METTL24: variants seen among roughly 807,000 people sequenced by gnomAD.
METTL24 encodes probable methyltransferase-like protein 24.
A neutral mutation model predicts 32.7 loss-of-function variants in METTL24; 29 were observed. The ratio of observed to expected loss-of-function variants is 0.89; its 90% CI spans 0.66 to 1.21. The LOEUF (loss-of-function observed/expected upper bound fraction) is 1.21. Among genes scored for constraint, METTL24 ranks in the 50% most tolerant of loss-of-function variants. The pLI, the probability that METTL24 is intolerant of heterozygous loss-of-function variation, is 0.00. For synonymous variants in METTL24, 163 were observed against 179.5 expected (o/e 0.91, Z 0.73); for missense variants, 439 against 468.1 (o/e 0.94, Z 0.57).
intron 4 of METTL24, among the ~76,000 whole-genome samples, chr6:110,285,242 T>C (rs1771201254): frequency 6.6e-6 from 1 of 152,232 alleles, no homozygotes; most frequent in South Asian, 2.1e-4. Context: ...GAAGTTCTTG[T>C]AAGAAATGTT....
At chr6:110,281,740 C>T (rs1480000016) in intron 4 of METTL24, among the ~76,000 whole-genome samples, 1 of 151,842 alleles carries the variant, frequency 6.6e-6, no homozygotes, top group Non-Finnish European at 1.5e-5. Flanking sequence ...ATTTGGTTAT[C>T]CAGTATATTC....
At chr6:110,292,878 G>A (rs1300984468) in intron 4 of METTL24, among the ~76,000 whole-genome samples, 1 of 151,906 alleles carries the variant, frequency 6.6e-6, no homozygotes, top group African/African-American at 2.4e-5. Flanking sequence ...TATGATTTGA[G>A]ATAGTGCCTT....
intron 4 of METTL24, among the ~76,000 whole-genome samples, chr6:110,295,504 G>T (rs969917979): frequency 1.3e-5 from 2 of 152,192 alleles, no homozygotes; most frequent in Non-Finnish European, 1.5e-5. Flanking sequence ...TGACCAGAGG[G>T]CCCCAGCCCC....
intron 3 of METTL24, among the ~76,000 whole-genome samples, chr6:110,299,830 CA>C (rs1300405385): frequency 6.6e-6 from 1 of 152,080 alleles, no homozygotes; most frequent in East Asian, 1.9e-4. Context: ...TGAATTGACT[CA>C]GAAATATTCC....
At chr6:110,282,064 T>C (rs546035884) in intron 4 of METTL24, among the ~76,000 whole-genome samples, 2 of 152,206 alleles carry the variant, frequency 1.3e-5, no homozygotes, top group Admixed American at 6.5e-5. Context: ...ATGAGGCAGG[T>C]GGACTGTTTG....
intron 4 of METTL24, among the ~76,000 whole-genome samples, chr6:110,274,805 T>TC (rs1204189824): frequency 4.2e-5 from 6 of 142,942 alleles, no homozygotes; most frequent in African/African-American, 1.6e-4. Flanking sequence ...GTTCTTTCTT[T>TC]TTTTTTTTTT....
chr6:110,321,948 C>T (rs1771937025), intron 2 of METTL24, among the ~76,000 whole-genome samples: 1 of 152,172 alleles, frequency 6.6e-6, no homozygotes, highest in African/African-American at 2.4e-5. Flanking sequence ...GCAGCACCAG[C>T]TCCACTGTGC....
chr6:110,303,495 T>C (rs1771574428), intron 3 of METTL24, among the ~76,000 whole-genome samples: 1 of 152,168 alleles, frequency 6.6e-6, no homozygotes, highest in Non-Finnish European at 1.5e-5. Flanking sequence ...GCGTCTGCCA[T>C]TACTGAGGCT....
chr6:110,337,271 G>T (rs746732875), intron 1 of METTL24, among the ~76,000 whole-genome samples: 1 of 152,176 alleles, frequency 6.6e-6, no homozygotes, highest in Non-Finnish European at 1.5e-5. Flanking sequence ...GGTTCTACTT[G>T]AGGGTCGAGG....
chr6:110,342,514 G>T (rs1344199773), intron 1 of METTL24, among the ~76,000 whole-genome samples: 3 of 152,192 alleles, frequency 2.0e-5, no homozygotes, highest in Non-Finnish European at 4.4e-5. Flanking sequence ...CACCTGTCAT[G>T]CATTCCATGG....
intron 3 of METTL24, among the ~76,000 whole-genome samples, chr6:110,300,027 A>G (rs549666871): frequency 2.0e-5 from 3 of 152,350 alleles, no homozygotes; most frequent in African/African-American, 7.2e-5. Context: ...ACCTAAACCC[A>G]GTGCAGAAAT....
At chr6:110,315,144 G>T (rs1771794748) in intron 3 of METTL24, among the ~76,000 whole-genome samples, 198 bp downstream of exon 3, 2 of 152,142 alleles carry the variant, frequency 1.3e-5, no homozygotes, top group African/African-American at 4.8e-5. Flanking sequence ...GAGGGAAAGT[G>T]CCTCTGACCA....
At chr6:110,285,884 C>T (rs560862912) in intron 4 of METTL24, among the ~76,000 whole-genome samples, 2 of 152,338 alleles carry the variant, frequency 1.3e-5, no homozygotes, top group East Asian at 3.9e-4. Flanking sequence ...TACACAGCAA[C>T]AAAGAAAAAT....
chr6:110,327,080 T>C (rs1366792344), intron 1 of METTL24, among the ~76,000 whole-genome samples: 3 of 152,120 alleles, frequency 2.0e-5, no homozygotes, highest in African/African-American at 7.2e-5. Context: ...GCCATAACGG[T>C]TATAGGGGCT....
chr6:110,265,463 C>G (rs1409113926), intron 4 of METTL24, among the ~76,000 whole-genome samples: 1 of 152,196 alleles, frequency 6.6e-6, no homozygotes, highest in Non-Finnish European at 1.5e-5. Context: ...AAAACCCTGA[C>G]TTCTAGCTGA....
At chr6:110,296,050 C>T (rs1169417318) in intron 4 of METTL24, among the ~76,000 whole-genome samples, 4 of 152,150 alleles carry the variant, frequency 2.6e-5, no homozygotes, top group East Asian at 1.9e-4. Context: ...TTAAATGACT[C>T]GCCCAACGCC....
intron 1 of METTL24, among the ~76,000 whole-genome samples, chr6:110,335,175 T>A (rs1772189211): frequency 6.6e-6 from 1 of 152,166 alleles, no homozygotes; most frequent in Non-Finnish European, 1.5e-5. Context: ...GAAGCAGACC[T>A]TTTTGGAAGT....
chr6:110,288,508 C>A (rs926017631), intron 4 of METTL24, among the ~76,000 whole-genome samples: 8 of 152,080 alleles, frequency 5.3e-5, no homozygotes, highest in African/African-American at 1.9e-4. Context: ...GCTCACAAGT[C>A]TATGGACATT....
intron 4 of METTL24, among the ~76,000 whole-genome samples, chr6:110,263,300 A>T (rs912479927): frequency 1.3e-5 from 2 of 152,198 alleles, no homozygotes; most frequent in African/African-American, 4.8e-5. Flanking sequence ...ATGTGCAAAA[A>T]TCACAAGCAT....
Sources: gnomAD v4.1 joint callset for allele counts (sites outside exome capture counted in the v4.1 genomes callset) on GRCh38, gnomAD v4.1.1 for gene constraint, MANE v1.5 for transcripts, NCBI Gene and HGNC (gene_info 2026-07-23, HGNC 2026-07-21) for gene names.